ZDHHC5: variants seen among roughly 807,000 people sequenced by gnomAD.
The protein encoded by ZDHHC5 is zDHHC palmitoyltransferase 5, also known as palmitoyltransferase ZDHHC5.
ZDHHC5 carries 22 observed loss-of-function variants against 70.0 expected under a neutral mutation model. The observed-to-expected ratio is 0.31, with a 90% CI of 0.22 to 0.45. The LOEUF is 0.45. Among genes scored for constraint, ZDHHC5 ranks in the 20% least tolerant of loss-of-function variants. The pLI, the probability that ZDHHC5 is intolerant of heterozygous loss-of-function variation, is 1.00. For missense variants in ZDHHC5, 746 were observed against 926.9 expected (o/e 0.80, Z 2.53); for synonymous variants, 313 against 347.8 (o/e 0.90, Z 1.11).
At chr11:57,676,560 A>G (rs1946073821) in intron 2 of ZDHHC5, among the ~76,000 whole-genome samples, 1 of 152,008 alleles carries the variant, frequency 6.6e-6, no homozygotes, top group Non-Finnish European at 1.5e-5. Context: ...ACCTTTGTGG[A>G]CCTAAGTTCT....
chr11:57,673,547 A>G (rs1468458645), intron 2 of ZDHHC5, among the ~76,000 whole-genome samples: 1 of 152,192 alleles, frequency 6.6e-6, no homozygotes, highest in African/African-American at 2.4e-5. Flanking sequence ...AGTCAATTCT[A>G]TGAGAAAGAG....
rs1477060027 is a variant in ZDHHC5 at position 57,700,456 on chromosome 11, A to G, written c.*425A>G. 1 of 150,482 alleles carries G rather than the reference A, an allele frequency of 6.6e-6. No individual in the cohort carries two copies. The highest frequency in any genetic ancestry group is 6.6e-5 in the Admixed American group (1 of 15,038). The allele number at this position is 150,482 out of a possible 1,614,324, so 9.3% of individuals were successfully genotyped here. On this transcript the variant is annotated 3_prime_UTR_variant, in exon 12 of 12. Transcript: ENST00000287169. Reference sequence around the variant, plus strand: ...ATTATAAATATCAAAGAAATTATATATCTATCCTGGGATGGGAAAATGAGG... The same window carrying G: ...ATTATAAATATCAAAGAAATTATATGTCTATCCTGGGATGGGAAAATGAGG...
At chr11:57,682,807 C>CT (rs1264973813) in intron 3 of ZDHHC5, among the ~76,000 whole-genome samples, 3 of 152,060 alleles carry the variant, frequency 2.0e-5, no homozygotes, top group Admixed American at 2.0e-4. Context: ...TGGGTCAAAT[C>CT]TTTGAGTTTT....
rs1021542860 is a variant in ZDHHC5, at chr11:57,700,112, C to T, written c.*81C>T. On this transcript the variant is annotated 3_prime_UTR_variant, in exon 12 of 12. Coordinates refer to ENST00000287169, the MANE Select transcript of ZDHHC5 (RefSeq NM_015457.3). ...TGGCCACCTTCCTTCCCTCAAGGGG[C>T]TCCCCTCCCGTGCATGGACATTTTT... 6.8e-7 allele frequency: 1 copy of T among 1,476,362 alleles called. No individual in the cohort carries two copies. The highest frequency in any genetic ancestry group is 2.4e-5 in the East Asian group (1 of 42,180). The allele number at this position is 1,476,362 out of a possible 1,614,324, so 91.5% of individuals were successfully genotyped here.
chr11:57,696,105 T>C, intron 9 of ZDHHC5, 62 bp downstream of exon 9: 1 of 1,558,512 alleles, frequency 6.4e-7, no homozygotes, highest in Non-Finnish European at 8.7e-7. Context: ...AGGTTGCTTA[T>C]GAGCTGTGGA....
chr11:57,691,789 G>C (rs1484978647), intron 6 of ZDHHC5, among the ~76,000 whole-genome samples: 2 of 149,644 alleles, frequency 1.3e-5, no homozygotes, highest in Non-Finnish European at 3.0e-5. Context: ...AAATATTTAA[G>C]ATCTTCCTAA....
At chr11:57,692,265 C>T (rs1946295021) in intron 6 of ZDHHC5, among the ~76,000 whole-genome samples, 1 of 152,178 alleles carries the variant, frequency 6.6e-6, no homozygotes, top group African/African-American at 2.4e-5. Context: ...AGGTGATCCA[C>T]CTGCCTCAGC....
At position 57,700,345 on chromosome 11, in the gene ZDHHC5, ATTTTTT is replaced by A. The variant is rs1039429921; in HGVS notation, c.*317_*322del. ...CCAGATCATTTTTAAACCAGAAATA[ATTTTTT>A]TTATTATTGTTACGGATTCTATTTT... On this transcript the variant is annotated 3_prime_UTR_variant, in exon 12 of 12. Coordinates refer to ENST00000287169, the MANE Select transcript of ZDHHC5 (RefSeq NM_015457.3). The A allele has an allele frequency of 1.6e-5, 3 of 187,712 alleles. No individual in the cohort carries two copies. In the East Asian group the frequency reaches 4.0e-4, roughly 25 times the overall value. The allele number at this position is 187,712 out of a possible 1,614,324, so 11.6% of individuals were successfully genotyped here.
chr11:57,696,644 C>A (rs759690908), intron 9 of ZDHHC5, 117 bp from the exon 10 acceptor site: 347 of 863,760 alleles, frequency 4.0e-4, no homozygotes, highest in Non-Finnish European at 5.8e-4. Flanking sequence ...GAGTTCAAGG[C>A]TCCAGTGAGC....
Position 57,699,985 on chromosome 11 carries a change from A to G in ZDHHC5, c.2102A>G (p.Lys701Arg), listed in dbSNP as rs773659741. 1 of 1,612,190 alleles carries G rather than the reference A, an allele frequency of 6.2e-7. No individual in the cohort carries two copies. Among genetic ancestry groups the G allele is most frequent in the Non-Finnish European group, 8.5e-7 (1 of 1,179,116 alleles). The change falls in exon 12 of 12, where the codon AAG (lysine) becomes AGG (arginine). Residue 701 changes from lysine to arginine, a missense_variant. Coordinates refer to ENST00000287169, the MANE Select transcript of ZDHHC5 (RefSeq NM_015457.3). ...AGTAGCCCCACGAGGGGAGGAGTCAAGAAGGTGTCAGGGGTTGGTGGTACC... is the reference window on the plus strand; with the variant it reads ...AGTAGCCCCACGAGGGGAGGAGTCAGGAAGGTGTCAGGGGTTGGTGGTACC... ...PLSSPTRGGV[K>R]KVSGVGGTTY...
intron 6 of ZDHHC5, among the ~76,000 whole-genome samples, chr11:57,691,692 T>C (rs1375493525): frequency 1.3e-5 from 2 of 152,146 alleles, no homozygotes; most frequent in Non-Finnish European, 2.9e-5. Context: ...ATTCTTTCTT[T>C]AGTTTGTCAA....
At chr11:57,682,122 G>A (rs114699835) in intron 2 of ZDHHC5, among the ~76,000 whole-genome samples, 26 of 152,308 alleles carry the variant, frequency 1.7e-4, no homozygotes, top group African/African-American at 6.3e-4. Context: ...GATAAGGACA[G>A]ATCTCAAAAC....
At position 57,699,867 on chromosome 11, in the gene ZDHHC5, G is replaced by A; in HGVS notation, c.1984G>A (p.Asp662Asn). The change falls in exon 12 of 12, where the codon GAT (aspartate) becomes AAT (asparagine). Residue 662 changes from aspartate to asparagine, a missense_variant and splice_region_variant. Around this residue, in one of 6 missense-constraint regions of ZDHHC5, gnomAD observed 340 missense variants for 350.1 expected, o/e 0.97. Transcript: ENST00000287169. ...CTACGTCTTGTCTCTTCTTTCCAGA[G>A]ATGAAGTACAGCTGAAGACCACCTA... The part of the protein sequence containing the change: ...VALQPLLTPK[D>N]EVQLKTTYSK... 1.2e-6 allele frequency: 2 copies of A among 1,614,220 alleles called. No individual in the cohort carries two copies. The highest frequency in any genetic ancestry group is 1.7e-6 in the Non-Finnish European group (2 of 1,180,040).
intron 3 of ZDHHC5, among the ~76,000 whole-genome samples, chr11:57,685,097 G>C (rs1024567921): frequency 6.6e-6 from 1 of 152,156 alleles, no homozygotes; most frequent in Non-Finnish European, 1.5e-5. Context: ...GCAGTGAGCC[G>C]AGATTGTGCC....
chr11:57,673,985 C>A (rs1211100676), intron 2 of ZDHHC5, among the ~76,000 whole-genome samples: 1 of 152,152 alleles, frequency 6.6e-6, no homozygotes, highest in African/African-American at 2.4e-5. Context: ...ATAAGATACA[C>A]CAATGAGAGA....
chr11:57,690,285 G>A lies in ZDHHC5; in HGVS notation c.558-50G>A, dbSNP rs373843877. 79 of 1,613,134 alleles carry A rather than the reference G, an allele frequency of 4.9e-5. No homozygotes were observed. The Middle Eastern group carries it at 6.6e-4, about 13-fold the overall frequency. ...AGGGAAAATGGCTGCAGTAGGGGCCGGGGAAAGTGAGGTCATGTTGCTCTG... is the reference window on the plus strand; with the variant it reads ...AGGGAAAATGGCTGCAGTAGGGGCCAGGGAAAGTGAGGTCATGTTGCTCTG... On this transcript the variant is annotated intron_variant, in intron 5 of 11. Coordinates refer to ENST00000287169, the MANE Select transcript of ZDHHC5 (RefSeq NM_015457.3).
chr11:57,696,664 GC>G, intron 9 of ZDHHC5, 96 bp from the exon 10 acceptor site: 1 of 1,061,980 alleles, frequency 9.4e-7, no homozygotes, highest in Non-Finnish European at 1.4e-6. Context: ...CTATAATCGT[GC>G]CACTGCACTC....
chr11:57,670,608 T>G (rs548844619), intron 1 of ZDHHC5, among the ~76,000 whole-genome samples: 2 of 152,076 alleles, frequency 1.3e-5, no homozygotes, highest in Non-Finnish European at 2.9e-5. Context: ...AATCAGGGAC[T>G]AGAGAGGATT....
At position 57,696,854 on chromosome 11, in the gene ZDHHC5, C is replaced by T. The variant is rs557105851; in HGVS notation, c.1103C>T (p.Pro368Leu). ...AGCAGCAGTACGTCAGCTGCCATGC[C>T]GCATTCCTCCAGCGCCAAGGTACTG... ...YSSSSTSAAMPHSSSAKLSRG... is the reference protein window; with the variant it reads ...YSSSSTSAAMLHSSSAKLSRG... The change falls in exon 10 of 12, where the codon CCG becomes CTG. Residue 368 changes from proline to leucine, a missense_variant. Physicochemically the swap from Pro to Leu is moderately conservative, Grantham distance 98. This residue lies in a region of ZDHHC5 where 179 missense variants were observed against 178.4 expected (regional missense o/e 1.00). Transcript: ENST00000287169. 5.0e-5 allele frequency: 81 copies of T among 1,613,840 alleles called. No homozygotes were observed. Among genetic ancestry groups the T allele is most frequent in the Non-Finnish European group, 6.4e-5 (75 of 1,179,826 alleles).
Sources: allele counts gnomAD v4.1 joint callset (sites outside exome capture counted in the v4.1 genomes callset), GRCh38; gene constraint gnomAD v4.1.1; regional missense constraint gnomAD v4.1.1; transcripts MANE v1.5; gene names NCBI Gene and HGNC (gene_info 2026-07-23, HGNC 2026-07-21).